Variants in ATXN7L1 observed in about 807,000 individuals in gnomAD.
ATXN7L1 encodes ataxin 7 like 1.
Under a neutral mutation model 70.8 loss-of-function variants are expected in ATXN7L1, and 15 were observed. The ratio of observed to expected loss-of-function variants is 0.21; its 90% confidence interval spans 0.14 to 0.33. ATXN7L1 has a LOEUF of 0.33. ATXN7L1 is among the 10% of genes least tolerant of loss of function. ATXN7L1 has a pLI of 1.00. For synonymous variants in ATXN7L1, 440 were observed against 445.1 expected, an observed-to-expected ratio of 0.99 and a Z score of 0.14; for missense variants, 975 against 1,097.1, an observed-to-expected ratio of 0.89 and a Z score of 1.57.
At chr7:105,673,790 G>C (rs138602296) in intron 3 of ATXN7L1, among the ~76,000 whole-genome samples, 19 of 152,318 alleles carry the variant, frequency 1.2e-4, no homozygotes, top group African/African-American at 4.6e-4. Flanking sequence ...TGAGAAACTT[G>C]CCCAAAGTCA....
chr7:105,761,005 A>G (rs1479718582), intron 3 of ATXN7L1: 2 of 284,012 alleles, frequency 7.0e-6, no homozygotes, highest in African/African-American at 4.6e-5. Context: ...GCCACAAGTC[A>G]AGAGAATGAC....
chr7:105,780,126 G>C (rs919736648), intron 3 of ATXN7L1, among the ~76,000 whole-genome samples: 1 of 152,164 alleles, frequency 6.6e-6, no homozygotes, highest in Admixed American at 6.5e-5. Context: ...AGGCACACAT[G>C]GTTTGTCTCT....
intron 7 of ATXN7L1, among the ~76,000 whole-genome samples, chr7:105,627,827 C>A (rs1462795827): frequency 1.4e-5 from 2 of 141,330 alleles, no homozygotes; most frequent in African/African-American, 5.3e-5. Context: ...CCACCACGCC[C>A]GGTCCTGTCT....
chr7:105,723,613 C>G (rs1795456216), intron 3 of ATXN7L1, among the ~76,000 whole-genome samples: 1 of 152,132 alleles, frequency 6.6e-6, no homozygotes, highest in African/African-American at 2.4e-5. Flanking sequence ...GGCTGCCCAC[C>G]CTGCTCCTGG....
intron 3 of ATXN7L1, among the ~76,000 whole-genome samples, chr7:105,739,323 C>A (rs553701311): frequency 3.7e-4 from 56 of 152,256 alleles, no homozygotes; most frequent in African/African-American, 1.3e-3. Flanking sequence ...CCACCCCAGA[C>A]CCATGGAAGA....
chr7:105,789,262 A>G (rs1351680128), intron 2 of ATXN7L1, among the ~76,000 whole-genome samples: 1 of 152,198 alleles, frequency 6.6e-6, no homozygotes, highest in Non-Finnish European at 1.5e-5. Flanking sequence ...TTATTCATTC[A>G]GTAAATATTT....
At chr7:105,872,758 T>C (rs1265912763) in intron 2 of ATXN7L1, among the ~76,000 whole-genome samples, 1 of 151,990 alleles carries the variant, frequency 6.6e-6, no homozygotes, top group Non-Finnish European at 1.5e-5. Context: ...AGTTGTGTAA[T>C]ATTATGAAAG....
At chr7:105,683,694 C>A (rs1210835327) in intron 3 of ATXN7L1, among the ~76,000 whole-genome samples, 2 of 151,728 alleles carry the variant, frequency 1.3e-5, no homozygotes, top group Non-Finnish European at 2.9e-5. Flanking sequence ...AAACAAAAAC[C>A]CTCTGAATTC....
At chr7:105,733,665 T>C (rs147785233) in intron 3 of ATXN7L1, among the ~76,000 whole-genome samples, 2,850 of 9,168 alleles carry the variant, frequency 0.31, 182 homozygotes, top group East Asian at 0.42. Context: ...CATCCATCCA[T>C]CCATCCATCC....
intron 10 of ATXN7L1, among the ~76,000 whole-genome samples, chr7:105,612,538 C>T (rs951655079): frequency 6.6e-6 from 1 of 152,282 alleles, no homozygotes; most frequent in Non-Finnish European, 1.5e-5. Flanking sequence ...CTTGGCTCTG[C>T]CCTCCATCCT....
chr7:105,775,345 A>G (rs1802576933), intron 3 of ATXN7L1, among the ~76,000 whole-genome samples: 4 of 152,232 alleles, frequency 2.6e-5, no homozygotes, highest in Admixed American at 2.6e-4. Flanking sequence ...AGCTCTACAC[A>G]TCATGGGAAG....
At chr7:105,866,294 T>G (rs1817464908) in intron 2 of ATXN7L1, among the ~76,000 whole-genome samples, 1 of 152,230 alleles carries the variant, frequency 6.6e-6, no homozygotes, top group Non-Finnish European at 1.5e-5. Flanking sequence ...TTCCCCATTA[T>G]GGTGACCTGG....
In ATXN7L1 at chr7:105,621,543, C is replaced by T. The variant is rs573643207; in HGVS notation, c.1396-1222G>A. The stretch of plus-strand genomic sequence containing the variant: ...AGGGATCCACAAAATGTTTAAAGCA[C>T]ACTATCTCTCTTAAAATATGTGGAT... On this transcript the variant is annotated intron_variant, in intron 8 of 11. Coordinates refer to ENST00000419735, the MANE Select transcript of ATXN7L1 (RefSeq NM_020725.2). Among the ~76,000 whole-genome samples the T allele has an allele frequency of 2.6e-5, 4 of 152,314 alleles. No homozygotes were observed. The East Asian group carries it at 7.7e-4, about 29-fold the overall frequency.
intron 3 of ATXN7L1, among the ~76,000 whole-genome samples, chr7:105,787,318 C>T (rs763082651): frequency 6.6e-6 from 1 of 152,148 alleles, no homozygotes; most frequent in Non-Finnish European, 1.5e-5. Flanking sequence ...GTGCTGGCTG[C>T]AGGGAGGGGC....
At chr7:105,719,166 A>T (rs1018347392) in intron 3 of ATXN7L1, among the ~76,000 whole-genome samples, 1 of 152,172 alleles carries the variant, frequency 6.6e-6, no homozygotes, top group Admixed American at 6.5e-5. Flanking sequence ...AAAGAGAAAG[A>T]GGCCTGGATG....
At chr7:105,761,414 T>G in intron 3 of ATXN7L1, 1 of 1,614,192 alleles carries the variant, frequency 6.2e-7, no homozygotes. Flanking sequence ...GGCTGCTCTC[T>G]GGTCCACTCC....
At chr7:105,642,077 C>A (rs915154004) in intron 5 of ATXN7L1, among the ~76,000 whole-genome samples, 1 of 152,174 alleles carries the variant, frequency 6.6e-6, no homozygotes, top group Non-Finnish European at 1.5e-5. Context: ...TATAGCTTCT[C>A]CTGGTCTTTT....
intron 3 of ATXN7L1, among the ~76,000 whole-genome samples, chr7:105,707,003 T>C (rs1390114085): frequency 6.6e-6 from 1 of 152,186 alleles, no homozygotes; most frequent in Non-Finnish European, 1.5e-5. Flanking sequence ...TTTAAGAGGG[T>C]TAATTCTCCG....
At chr7:105,624,054 A>T in intron 8 of ATXN7L1, 21 bp downstream of exon 8, 1 of 1,380,368 alleles carries the variant, frequency 7.2e-7, no homozygotes, top group Non-Finnish European at 9.5e-7. Flanking sequence ...AACGCATGGC[A>T]AGGAACGGAA....
Sources: allele counts gnomAD v4.1 joint callset (sites outside exome capture counted in the v4.1 genomes callset), GRCh38; gene constraint gnomAD v4.1.1; transcripts MANE v1.5; gene names NCBI Gene and HGNC (gene_info 2026-07-23, HGNC 2026-07-21).